The following SPN variants were observed in gnomAD, a reference collection of about 807,000 sequenced individuals.
SPN encodes the protein sialophorin, also known as leukosialin.
SPN carries 6 observed loss-of-function variants against 8.4 expected under a neutral mutation model. The ratio of observed to expected loss-of-function variants is 0.72; its 90% CI spans 0.39 to 1.42. SPN has a LOEUF of 1.42. SPN is among the 40% of genes most tolerant of loss of function. The pLI, the probability that SPN is intolerant of heterozygous loss-of-function variation, is 0.02. For synonymous variants in SPN, 201 were observed against 222.6 expected (o/e 0.90, Z 0.86); for missense variants, 517 against 530.6 (o/e 0.97, Z 0.25).
At position 29,668,066 on chromosome 16, in the gene SPN, A is replaced by C. The variant is rs536670259; in HGVS notation, c.*3135A>C. 1.8e-5 allele frequency: 3 copies of C among 167,238 alleles called. No homozygotes were observed. In the South Asian group the frequency reaches 6.2e-4, roughly 35 times the overall value. The allele number at this position is 167,238 out of a possible 1,614,324, so 10.4% of individuals were successfully genotyped here. ...AGGGAGACTTTGAGGAAGAGATTCC[A>C]GTGGCTGAGCAGAAGGGCTCGCATT... On this transcript the variant is annotated 3_prime_UTR_variant, in exon 2 of 2. Coordinates refer to ENST00000652691, the MANE Select transcript of SPN (RefSeq NM_003123.6).
Position 29,664,094 on chromosome 16 carries a change from A to G in SPN, c.366A>G (p.Ala122=). The change falls in exon 2 of 2, where the codon GCA becomes GCG. Residue 122 remains alanine, a synonymous_variant. Transcript: ENST00000652691. This position sits in a 1 kb window ranked among gnomAD's most constrained non-coding sequence, Gnocchi z 6.4. ...GTCATCCTGCTGTTCCCATAACAGC[A>G]AACTCTCTAGGATCCCACACCGTGA... ...ATSHPAVPIT[A]NSLGSHTVTG... 1.2e-6 allele frequency: 2 copies of G among 1,614,046 alleles called. No individual in the cohort carries two copies. The highest frequency in any genetic ancestry group is 1.7e-6 in the Non-Finnish European group (2 of 1,180,016).
Position 29,663,784 on chromosome 16 carries a change from G to C in SPN, c.56G>C (p.Gly19Ala). Residue 19 changes from glycine (G) to alanine (A), a missense_variant, in exon 2 of 2, where the codon GGG becomes GCG. Transcript: ENST00000652691. This position sits in a 1 kb window ranked among gnomAD's most constrained non-coding sequence, Gnocchi z 4.3. ...CTGGTGGTAAGCCCAGACGCTCTGG[G>C]GAGCACAACAGCAGTGCAGACACCC... ...GVLVVSPDAL[G>A]STTAVQTPTS... 6.2e-7 allele frequency: 1 copy of C among 1,612,008 alleles called. No homozygotes were observed. Among genetic ancestry groups the C allele is most frequent in the Non-Finnish European group, 8.5e-7 (1 of 1,179,310 alleles).
rs750754867 is a variant in SPN, at chr16:29,664,789, G to T, written c.1061G>T (p.Gly354Val). The change falls in exon 2 of 2, where the codon GGC becomes GTC. Residue 354 changes from glycine to valine, a missense_variant. Coordinates refer to ENST00000652691, the MANE Select transcript of SPN (RefSeq NM_003123.6). This position sits in a 1 kb window ranked among gnomAD's most constrained non-coding sequence, Gnocchi z 6.4. ...TFFGRRKSRQGSLAMEELKSG... is the reference protein window; with the variant it reads ...TFFGRRKSRQVSLAMEELKSG... ...TTTGGCAGACGGAAGTCTCGCCAGG[G>T]CTCCCTGGCGATGGAGGAGCTGAAG... The T allele has an allele frequency of 6.7e-7, 1 of 1,501,978 alleles. No individual in the cohort carries two copies. The highest frequency in any genetic ancestry group is 8.9e-7 in the Non-Finnish European group (1 of 1,128,678). 93.0% of individuals were successfully genotyped at this position (1,501,978 alleles called of 1,614,324 possible). A position where few individuals can be genotyped will look rare whatever the true frequency, so the allele number is the denominator to read the frequency against.
rs200681097 is a variant in SPN, at chr16:29,664,740, C to T, written c.1012C>T (p.Arg338Cys). ...GTTCCCCGATGGGGAGGGGTCTAGC[C>T]GTCGGCCCACGCTCACCACTTTCTT... is the stretch of plus-strand genomic sequence containing the variant. ...SGFPDGEGSS[R>C]RPTLTTFFGR... Residue 338 changes from arginine to cysteine, a missense_variant, in exon 2 of 2, where the codon CGT becomes TGT. Arg to Cys is a radical substitution (Grantham distance 180, BLOSUM62 -3). Coordinates refer to ENST00000652691, the MANE Select transcript of SPN (RefSeq NM_003123.6). This position sits in a 1 kb window ranked among gnomAD's most constrained non-coding sequence, Gnocchi z 6.4. 296 of 1,483,082 alleles carry T rather than the reference C, an allele frequency of 2.0e-4. 5 individuals carry two copies. The Middle Eastern group carries it at 0.011, about 57-fold the overall frequency. The allele number at this position is 1,483,082 out of a possible 1,614,324, so 91.9% of individuals were successfully genotyped here.
In SPN at chr16:29,664,694, CG is replaced by C; in HGVS notation, c.971del (p.Gly324AlafsTer38). On this transcript the variant is annotated frameshift_variant, in exon 2 of 2. Coordinates refer to ENST00000652691, the MANE Select transcript of SPN (RefSeq NM_003123.6). LOFTEE classifies it high-confidence loss of function. The surrounding 1 kb of genome is among the most constrained non-coding windows in gnomAD (Gnocchi z 6.4). Reference protein sequence around the residue: ...GAVTVTVGGSGGDKGSGFPDG... With the variant: ...GAVTVTVGGSXGDKGSGFPDG... ...CCGTGACAGTGACCGTGGGAGGGTCCGGGGGCGACAAGGGCTCTGGGTTCCC... is the reference window on the plus strand; with the variant it reads ...CCGTGACAGTGACCGTGGGAGGGTCCGGGGCGACAAGGGCTCTGGGTTCCC... The C allele has an allele frequency of 2.0e-6, 3 of 1,488,208 alleles. No individual in the cohort carries two copies. Among genetic ancestry groups the C allele is most frequent in the South Asian group, 1.4e-5 (1 of 72,450 alleles). 92.2% of individuals were successfully genotyped at this position (1,488,208 alleles called of 1,614,324 possible). A position where few individuals can be genotyped will look rare whatever the true frequency, so the allele number is the denominator to read the frequency against.
rs573455844 is a variant in SPN, at chr16:29,667,020, G to A, written c.*2089G>A. 3 of 471,030 alleles carry A rather than the reference G, an allele frequency of 6.4e-6. No homozygotes were observed. The highest frequency in any genetic ancestry group is 4.6e-5 in the South Asian group (3 of 64,566). 29.2% of individuals were successfully genotyped at this position (471,030 alleles called of 1,614,324 possible). On this transcript the variant is annotated 3_prime_UTR_variant, in exon 2 of 2. Coordinates refer to ENST00000652691, the MANE Select transcript of SPN (RefSeq NM_003123.6). ...TGGCCTGGGCAGGAGATGGGGGAAA[G>A]GGTCAGGTGGGGGATGGGCTCGTGC...
Position 29,663,949 on chromosome 16 carries a change from G to A in SPN, c.221G>A (p.Gly74Glu). The change falls in exon 2 of 2, where the codon GGA becomes GAA. Residue 74 changes from glycine to glutamate, a missense_variant. Physicochemically the swap from Gly to Glu is moderately conservative, Grantham distance 98 (BLOSUM62 -2). Transcript: ENST00000652691. The surrounding 1 kb of genome is among the most constrained non-coding windows in gnomAD (Gnocchi z 4.3). ...CCTCCCTCAACTTCCATCAATGAGG[G>A]ATCCCCTCTTTGGACTTCCATTGGT... ...ALPPSTSINE[G>E]SPLWTSIGAS... 6.2e-7 allele frequency: 1 copy of A among 1,614,064 alleles called. No individual in the cohort carries two copies. Among genetic ancestry groups the A allele is most frequent in the Non-Finnish European group, 8.5e-7 (1 of 1,179,988 alleles).
At position 29,665,659 on chromosome 16, in the gene SPN, G is replaced by T; in HGVS notation, c.*728G>T. 6.0e-6 allele frequency: 1 copy of T among 167,204 alleles called. No individual in the cohort carries two copies. The highest frequency in any genetic ancestry group is 2.4e-5 in the African/African-American group (1 of 41,572). The allele number at this position is 167,204 out of a possible 1,614,324, so 10.4% of individuals were successfully genotyped here. On this transcript the variant is annotated 3_prime_UTR_variant, in exon 2 of 2. Transcript: ENST00000652691. ...CCCACCCTGGGTTGACCAGAGTCTGGGAAGAAGGACAAGAGAACCCGGCAA... is the reference window on the plus strand; with the variant it reads ...CCCACCCTGGGTTGACCAGAGTCTGTGAAGAAGGACAAGAGAACCCGGCAA...
In SPN at chr16:29,664,491, A is replaced by G; in HGVS notation, c.763A>G (p.Met255Val). ...FRNPDENSRGMLPVAVLVALL... is the reference protein window; with the variant it reads ...FRNPDENSRGVLPVAVLVALL... ...GAACCCAGATGAGAACTCACGAGGC[A>G]TGCTGCCAGTGGCTGTGCTTGTGGC... The change falls in exon 2 of 2, where the codon ATG becomes GTG. Residue 255 changes from methionine (M) to valine (V), a missense_variant. By Grantham distance (21) the Met-to-Val change is conservative. Coordinates refer to ENST00000652691, the MANE Select transcript of SPN (RefSeq NM_003123.6). This position sits in a 1 kb window ranked among gnomAD's most constrained non-coding sequence, Gnocchi z 6.4. The G allele has an allele frequency of 6.2e-7, 1 of 1,614,238 alleles. No individual in the cohort carries two copies. Among genetic ancestry groups the G allele is most frequent in the Non-Finnish European group, 8.5e-7 (1 of 1,180,040 alleles).
chr16:29,663,955 C>T lies in SPN; in HGVS notation c.227C>T (p.Pro76Leu). The T allele has an allele frequency of 1.2e-6, 2 of 1,614,188 alleles. No individual in the cohort carries two copies. Among genetic ancestry groups the T allele is most frequent in the Non-Finnish European group, 8.5e-7 (1 of 1,180,044 alleles). The part of the protein sequence containing the change: ...PPSTSINEGS[P>L]LWTSIGASTG... ...TCAACTTCCATCAATGAGGGATCCC[C>T]TCTTTGGACTTCCATTGGTGCCAGC... The change falls in exon 2 of 2, where the codon CCT becomes CTT. Residue 76 changes from proline (P) to leucine (L), a missense_variant. Coordinates refer to ENST00000652691, the MANE Select transcript of SPN (RefSeq NM_003123.6). The surrounding 1 kb of genome is among the most constrained non-coding windows in gnomAD (Gnocchi z 4.3).
Position 29,666,922 on chromosome 16 carries a change from G to A in SPN, c.*1991G>A, listed in dbSNP as rs539389869. 1.1e-4 allele frequency: 52 copies of A among 470,882 alleles called. No individual in the cohort carries two copies. Among genetic ancestry groups the A allele is most frequent in the African/African-American group, 5.8e-4 (29 of 50,210 alleles). The allele number at this position is 470,882 out of a possible 1,614,324, so 29.2% of individuals were successfully genotyped here. On this transcript the variant is annotated 3_prime_UTR_variant, in exon 2 of 2. Coordinates refer to ENST00000652691, the MANE Select transcript of SPN (RefSeq NM_003123.6). The stretch of plus-strand genomic sequence containing the variant: ...AGGAAGTTGTTGAGTTAGAGCTTGC[G>A]GTGGCTGAGAGCAGACAGGTTGACC...
chr16:29,669,896 G>C lies in SPN; in HGVS notation c.*4965G>C, dbSNP rs1966844072. 1 of 162,302 alleles carries C rather than the reference G, an allele frequency of 6.2e-6. No individual in the cohort carries two copies. Among genetic ancestry groups the C allele is most frequent in the Non-Finnish European group, 1.5e-5 (1 of 67,230 alleles). 10.1% of individuals were successfully genotyped at this position (162,302 alleles called of 1,614,324 possible). On this transcript the variant is annotated 3_prime_UTR_variant, in exon 2 of 2. Coordinates refer to ENST00000652691, the MANE Select transcript of SPN (RefSeq NM_003123.6). ...CATCTCAAAAAAAAAAAAGGAGATA[G>C]AGCAAGGAACAGTAAGAAAATAGTT...
chr16:29,666,524 T>TCTCTCTCTCTCACACACA lies in SPN; in HGVS notation c.*1594_*1595insTCTCTCTCTCACACACAC. ...TGCGCTCTCTCTCTCTCTCTCTCTCTCACACACACACACACACACACACAC... is the reference window on the plus strand; with the variant it reads ...TGCGCTCTCTCTCTCTCTCTCTCTCTCTCTCTCTCTCACACACACACACACACACACACACACACACAC... On this transcript the variant is annotated 3_prime_UTR_variant, in exon 2 of 2. Coordinates refer to ENST00000652691, the MANE Select transcript of SPN (RefSeq NM_003123.6). 7.4e-6 allele frequency: 1 copy of TCTCTCTCTCTCACACACA among 135,780 alleles called. No individual in the cohort carries two copies. Among genetic ancestry groups the TCTCTCTCTCTCACACACA allele is most frequent in the Admixed American group, 7.9e-5 (1 of 12,714 alleles). The allele number at this position is 135,780 out of a possible 1,614,324, so 8.4% of individuals were successfully genotyped here.
Position 29,669,171 on chromosome 16 carries a change from G to A in SPN, c.*4240G>A, listed in dbSNP as rs899356868. On this transcript the variant is annotated 3_prime_UTR_variant, in exon 2 of 2. Coordinates refer to ENST00000652691, the MANE Select transcript of SPN (RefSeq NM_003123.6). ...TTTTAAAGTGGAGCAGTTCAATATAGAGTCTTTTTTGAACAAACGTGAAAT... is the reference window on the plus strand; with the variant it reads ...TTTTAAAGTGGAGCAGTTCAATATAAAGTCTTTTTTGAACAAACGTGAAAT... 2 of 166,460 alleles carry A rather than the reference G, an allele frequency of 1.2e-5. No homozygotes were observed. The highest frequency in any genetic ancestry group is 2.4e-5 in the African/African-American group (1 of 41,296). 10.3% of individuals were successfully genotyped at this position (166,460 alleles called of 1,614,324 possible).
Position 29,664,581 on chromosome 16 carries a change from ACTGGGGCCCTCGTGCTGAG to A in SPN, c.855_873del (p.Gly286GlufsTer24). ...GTGGCGCCGGCGGCAGAAGCGGCGG[ACTGGGGCCCTCGTGCTGAG>A]CAGAGGCGGCAAGCGTAACGGGGTG... On this transcript the variant is annotated frameshift_variant, in exon 2 of 2. Coordinates refer to ENST00000652691, the MANE Select transcript of SPN (RefSeq NM_003123.6). LOFTEE classifies it high-confidence loss of function. The surrounding 1 kb of genome is among the most constrained non-coding windows in gnomAD (Gnocchi z 6.4). The A allele has an allele frequency of 6.2e-7, 1 of 1,611,990 alleles. No individual in the cohort carries two copies. The highest frequency in any genetic ancestry group is 8.5e-7 in the Non-Finnish European group (1 of 1,179,344).
In SPN at chr16:29,667,323, C is replaced by G. The variant is rs377396035; in HGVS notation, c.*2392C>G. On this transcript the variant is annotated 3_prime_UTR_variant, in exon 2 of 2. Transcript: ENST00000652691. ...GTCACCGAACGAACGTCGCTGTCCT[C>G]AGCTCCACCTCCCTTTCCTTTGACA... 10 of 247,622 alleles carry G rather than the reference C, an allele frequency of 4.0e-5. No homozygotes were observed. The East Asian group carries it at 4.9e-4, about 12-fold the overall frequency. The allele number at this position is 247,622 out of a possible 1,614,324, so 15.3% of individuals were successfully genotyped here.
Position 29,663,411 on chromosome 16 carries a change from A to AT in SPN, c.-35+97dup. The AT allele has an allele frequency of 3.5e-6, 1 of 285,878 alleles. No homozygotes were observed. Among genetic ancestry groups the AT allele is most frequent in the Admixed American group, 5.0e-5 (1 of 19,986 alleles). 17.7% of individuals were successfully genotyped at this position (285,878 alleles called of 1,614,324 possible). ...CTCTGACAGGTTATGATGGGAAGAG[A>AT]TTGGGAGCCATTGGGCTGCACAGGG... On this transcript the variant is annotated intron_variant, in intron 1 of 1. Coordinates refer to ENST00000652691, the MANE Select transcript of SPN (RefSeq NM_003123.6). This position sits in a 1 kb window ranked among gnomAD's most constrained non-coding sequence, Gnocchi z 4.3.
rs1008993185 is a variant in SPN, at chr16:29,667,907, T to TGTGCATGTGCGTGC, written c.*3001_*3014dup. On this transcript the variant is annotated 3_prime_UTR_variant, in exon 2 of 2. Coordinates refer to ENST00000652691, the MANE Select transcript of SPN (RefSeq NM_003123.6). ...GCGTGTGTGCACATATGTGTGTACGTGTGCATGTGCGTGCGTGCATGTGCG... is the reference window on the plus strand; with the variant it reads ...GCGTGTGTGCACATATGTGTGTACGTGTGCATGTGCGTGCGTGCATGTGCGTGCGTGCATGTGCG... The TGTGCATGTGCGTGC allele has an allele frequency of 1.0e-3, 168 of 166,794 alleles. 1 individual carries two copies. Among genetic ancestry groups the TGTGCATGTGCGTGC allele is most frequent in the African/African-American group, 3.7e-3 (153 of 41,542 alleles). The allele number at this position is 166,794 out of a possible 1,614,324, so 10.3% of individuals were successfully genotyped here.
rs1216535083 is a variant in SPN at position 29,663,462 on chromosome 16, C to A, written c.-35+146C>A. ...TCAGGGAAGGCCAGGAGGGGCTGGTCACTGCTGGAATCTAAGCTGCTGAGG... is the reference window on the plus strand; with the variant it reads ...TCAGGGAAGGCCAGGAGGGGCTGGTAACTGCTGGAATCTAAGCTGCTGAGG... On this transcript the variant is annotated intron_variant, in intron 1 of 1. Transcript: ENST00000652691. The surrounding 1 kb of genome is among the most constrained non-coding windows in gnomAD (Gnocchi z 4.3). 1.8e-5 allele frequency: 8 copies of A among 442,076 alleles called. No homozygotes were observed. Among genetic ancestry groups the A allele is most frequent in the Non-Finnish European group, 3.2e-5 (8 of 247,624 alleles). The allele number at this position is 442,076 out of a possible 1,614,324, so 27.4% of individuals were successfully genotyped here.
Sources: allele counts gnomAD v4.1 joint callset, GRCh38; gene constraint gnomAD v4.1.1; non-coding constraint Gnocchi (gnomAD v3.1); transcripts MANE v1.5; gene names NCBI Gene and HGNC (gene_info 2026-07-23, HGNC 2026-07-21).